SLC6A4: variants seen among roughly 807,000 people sequenced by gnomAD.
SLC6A4 encodes the protein solute carrier family 6 member 4, also known as sodium-dependent serotonin transporter.
In SLC6A4, 22 loss-of-function variants were observed where a neutral mutation model predicts 73.4. The observed-to-expected ratio is 0.30, with a 90% CI of 0.21 to 0.43. SLC6A4 has a LOEUF of 0.43. SLC6A4 is among the 20% of genes least tolerant of loss of function. SLC6A4 has a pLI of 1.00. For missense variants in SLC6A4, 593 were observed against 808.5 expected (o/e 0.73, Z 3.23); for synonymous variants, 270 against 315.5 (o/e 0.86, Z 1.53).
Position 30,212,860 on chromosome 17 carries a change from G to T in SLC6A4, c.1084C>A (p.Leu362Met), listed in dbSNP as rs755973197. The T allele has an allele frequency of 6.2e-7, 1 of 1,613,938 alleles. No homozygotes were observed. Among genetic ancestry groups the T allele is most frequent in the African/African-American group, 1.3e-5 (1 of 74,904 alleles). Reference protein sequence around the residue: ...KFNNNCYQDALVTSVVNCMTS... With the variant: ...KFNNNCYQDAMVTSVVNCMTS... The stretch of plus-strand genomic sequence containing the variant: ...ATGCAGTTCACCACGCTGGTCACCA[G>T]GGCATCTCTGGAGGGGAAAACCCAA... Residue 362 changes from leucine (L) to methionine (M), a missense_variant, in exon 9 of 15, where the codon CTG (leucine) becomes ATG (methionine). By Grantham distance (15) the Leu-to-Met change is conservative (BLOSUM62 2). Coordinates refer to ENST00000650711, the MANE Select transcript of SLC6A4 (RefSeq NM_001045.6).
At chr17:30,210,333 T>A (rs755495586) in intron 11 of SLC6A4, among the ~76,000 whole-genome samples, 182 bp downstream of exon 11, 5 of 152,182 alleles carry the variant, frequency 3.3e-5, no homozygotes, top group Non-Finnish European at 7.3e-5. Flanking sequence ...AATCTGCAAG[T>A]AGATGCACAA....
At chr17:30,204,479 G>T (rs1906128468) in intron 13 of SLC6A4, 1 of 152,046 alleles carries the variant, frequency 6.6e-6, no homozygotes, top group African/African-American at 2.4e-5. Context: ...GATGGTTTGG[G>T]AACAGGGAAA....
chr17:30,198,240 G>GTCAC lies in SLC6A4; in HGVS notation c.*212_*215dup, dbSNP rs1289513451. On this transcript the variant is annotated 3_prime_UTR_variant, in exon 15 of 15. Coordinates refer to ENST00000650711, the MANE Select transcript of SLC6A4 (RefSeq NM_001045.6). ...GTCCAAAATAGGCCAGCTCAGCTGT[G>GTCAC]TCACAGTCTACCATGGGAATATGTC... is the stretch of plus-strand genomic sequence containing the variant. 1 of 440,320 alleles carries GTCAC rather than the reference G, an allele frequency of 2.3e-6. No homozygotes were observed. The highest frequency in any genetic ancestry group is 3.4e-5 in the East Asian group (1 of 29,190). 27.3% of individuals were successfully genotyped at this position (440,320 alleles called of 1,614,324 possible). A position where few individuals can be genotyped will look rare whatever the true frequency, so the allele number is the denominator to read the frequency against.
rs767952047 is a variant in SLC6A4 at position 30,221,845 on chromosome 17, C to A, written c.114G>T (p.Val38=). ...ACCCATTGGATATTTGCCCGGACTC[C>A]ACTTTGTCCCCTGGGGTGGGAACAA... ...QKVVPTPGDK[V]ESGQISNGYS... is the part of the protein sequence containing the mutation. The change falls in exon 3 of 15, where the codon GTG becomes GTT. Residue 38 remains valine (V), a synonymous_variant. Coordinates refer to ENST00000650711, the MANE Select transcript of SLC6A4 (RefSeq NM_001045.6). 1 of 1,614,184 alleles carries A rather than the reference C, an allele frequency of 6.2e-7. No homozygotes were observed. The highest frequency in any genetic ancestry group is 8.5e-7 in the Non-Finnish European group (1 of 1,180,022).
chr17:30,205,773 A>G (rs142923387), intron 13 of SLC6A4, among the ~76,000 whole-genome samples: 3 of 152,346 alleles, frequency 2.0e-5, no homozygotes, highest in Admixed American at 6.5e-5. Flanking sequence ...AGAGAGACAC[A>G]TGCAGTGTCA....
At chr17:30,207,336 G>A (rs1567816432) in intron 13 of SLC6A4, among the ~76,000 whole-genome samples, 2 of 152,100 alleles carry the variant, frequency 1.3e-5, no homozygotes, top group East Asian at 3.9e-4. Flanking sequence ...TCTTTGAGAT[G>A]TACACTTACG....
chr17:30,218,982 T>G, intron 3 of SLC6A4, 51 bp from the exon 4 acceptor site: 1 of 1,608,346 alleles, frequency 6.2e-7, no homozygotes, highest in East Asian at 2.2e-5. Context: ...TGTCCCAGGA[T>G]AGCCCAACCA....
intron 14 of SLC6A4, among the ~76,000 whole-genome samples, chr17:30,200,759 G>C (rs1271357204): frequency 6.6e-6 from 1 of 152,130 alleles, no homozygotes; most frequent in Non-Finnish European, 1.5e-5. Context: ...GAAGTCCTCA[G>C]GTAAACAAAC....
At chr17:30,199,326 A>T (rs1905957868) in intron 14 of SLC6A4, among the ~76,000 whole-genome samples, 1 of 152,096 alleles carries the variant, frequency 6.6e-6, no homozygotes, top group Non-Finnish European at 1.5e-5. Flanking sequence ...GAAAAAAAAA[A>T]AAACAGCCAC....
At position 30,197,157 on chromosome 17, in the gene SLC6A4, C is replaced by T. The variant is rs1597629859; in HGVS notation, c.*1299G>A. 6.6e-6 allele frequency: 1 copy of T among 152,326 alleles called. No individual in the cohort carries two copies. Among genetic ancestry groups the T allele is most frequent in the East Asian group, 1.9e-4 (1 of 5,308 alleles). 9.4% of individuals were successfully genotyped at this position (152,326 alleles called of 1,614,324 possible). Reference sequence around the variant, plus strand: ...CTGAGAGTCACGAGACACCAAAGGCCAAATTTACTTATCTATATTAAGGGC... The same window carrying T: ...CTGAGAGTCACGAGACACCAAAGGCTAAATTTACTTATCTATATTAAGGGC... On this transcript the variant is annotated 3_prime_UTR_variant, in exon 15 of 15. Coordinates refer to ENST00000650711, the MANE Select transcript of SLC6A4 (RefSeq NM_001045.6).
rs1194830879 is a variant in SLC6A4, at chr17:30,210,426, T to C, written c.1449+89A>G. 31 of 1,400,866 alleles carry C rather than the reference T, an allele frequency of 2.2e-5. No homozygotes were observed. The East Asian group carries it at 6.1e-4, about 28-fold the overall frequency. The allele number at this position is 1,400,866 out of a possible 1,614,324, so 86.8% of individuals were successfully genotyped here. A position where few individuals can be genotyped will look rare whatever the true frequency, so the allele number is the denominator to read the frequency against. ...TCCTTTGGTCCCAAAGCCAGGGCAC[T>C]GTGTGAGATGGAAGGAGACGAACAG... is the stretch of plus-strand genomic sequence containing the variant. On this transcript the variant is annotated intron_variant, in intron 11 of 14. Transcript: ENST00000650711.
chr17:30,223,803 T>C (rs1906846580), intron 1 of SLC6A4, among the ~76,000 whole-genome samples: 1 of 152,046 alleles, frequency 6.6e-6, no homozygotes, highest in Non-Finnish European at 1.5e-5. Context: ...GCGGTCTCCA[T>C]AACCTCACCC....
At chr17:30,214,505 G>C (rs1284240567) in intron 8 of SLC6A4, among the ~76,000 whole-genome samples, 1 of 149,138 alleles carries the variant, frequency 6.7e-6, no homozygotes, top group Non-Finnish European at 1.5e-5. Flanking sequence ...CATACTTTTT[G>C]TTTATACATA....
chr17:30,195,710 A>C lies in SLC6A4; in HGVS notation c.*2746T>G, dbSNP rs1905835747. The C allele has an allele frequency of 6.6e-6, 1 of 152,144 alleles. No homozygotes were observed. Among genetic ancestry groups the C allele is most frequent in the African/African-American group, 2.4e-5 (1 of 41,420 alleles). The allele number at this position is 152,144 out of a possible 1,614,324, so 9.4% of individuals were successfully genotyped here. A position where few individuals can be genotyped will look rare whatever the true frequency, so the allele number is the denominator to read the frequency against. ...ACCTTTAAAATATTATTATCATTAA[A>C]ATTTAGAGACAGTTAAGCAATGAAG... On this transcript the variant is annotated 3_prime_UTR_variant, in exon 15 of 15. Coordinates refer to ENST00000650711, the MANE Select transcript of SLC6A4 (RefSeq NM_001045.6).
chr17:30,221,762 G>T lies in SLC6A4; in HGVS notation c.197C>A (p.Thr66Asn). The T allele has an allele frequency of 6.2e-7, 1 of 1,614,182 alleles. No homozygotes were observed. The highest frequency in any genetic ancestry group is 8.5e-7 in the Non-Finnish European group (1 of 1,180,036). Residue 66 changes from threonine (T) to asparagine (N), a missense_variant, in exon 3 of 15, where the codon ACC becomes AAC. Transcript: ENST00000650711. ...AAGCTCAGCCACTAGGGTGGTGGTG[G>T]TCGCTGGGATAGAGTGCCGTGTGTC... The part of the protein sequence containing the change: ...GDDTRHSIPA[T>N]TTTLVAELHQ...
rs1905914590 is a variant in SLC6A4 at position 30,197,917 on chromosome 17, C to T, written c.*539G>A. 1 of 153,334 alleles carries T rather than the reference C, an allele frequency of 6.5e-6. No individual in the cohort carries two copies. The highest frequency in any genetic ancestry group is 2.4e-5 in the African/African-American group (1 of 41,442). The allele number at this position is 153,334 out of a possible 1,614,324, so 9.5% of individuals were successfully genotyped here. On this transcript the variant is annotated 3_prime_UTR_variant, in exon 15 of 15. Coordinates refer to ENST00000650711, the MANE Select transcript of SLC6A4 (RefSeq NM_001045.6). ...ATGGACACACTATTTTTCATTTTAG[C>T]TTCTTACATCTTCCTTTCCTGATGC...
Position 30,212,762 on chromosome 17 carries a change from C to T in SLC6A4, c.1182G>A (p.Val394=), listed in dbSNP as rs748573861. 1.2e-6 allele frequency: 2 copies of T among 1,614,226 alleles called. No individual in the cohort carries two copies. The highest frequency in any genetic ancestry group is 1.7e-6 in the Non-Finnish European group (2 of 1,180,032). ...GYMAEMRNED[V]SEVAKDAGPS... is the part of the protein sequence containing the mutation. ...TACCTGCGTCTTTGGCCACCTCAGA[C>T]ACATCTTCATTCCTCATCTCAGCCA... The change falls in exon 9 of 15, where the codon GTG becomes GTA. Residue 394 remains valine (V), a synonymous_variant. Coordinates refer to ENST00000650711, the MANE Select transcript of SLC6A4 (RefSeq NM_001045.6).
chr17:30,229,486 G>A (rs1039812821), intron 1 of SLC6A4, among the ~76,000 whole-genome samples: 2 of 152,098 alleles, frequency 1.3e-5, no homozygotes, highest in Non-Finnish European at 2.9e-5. Flanking sequence ...CTAAATTTAA[G>A]GAAAGAAGAA....
At chr17:30,205,125 T>G (rs555773854) in intron 13 of SLC6A4, among the ~76,000 whole-genome samples, 1 of 152,322 alleles carries the variant, frequency 6.6e-6, no homozygotes, top group South Asian at 2.1e-4. Context: ...CTGGCTCCTG[T>G]GTTTATTGAA....
Sources: allele counts gnomAD v4.1 joint callset (sites outside exome capture counted in the v4.1 genomes callset), GRCh38; gene constraint gnomAD v4.1.1; transcripts MANE v1.5; gene names NCBI Gene and HGNC (gene_info 2026-07-23, HGNC 2026-07-21).